The following NFATC3 variants were observed in gnomAD, a reference collection of about 807,000 sequenced individuals.
NFATC3 encodes nuclear factor of activated T cells 3, also known as nuclear factor of activated T-cells, cytoplasmic 3.
A neutral mutation model predicts 98.6 loss-of-function variants in NFATC3; 46 were observed. The observed-to-expected ratio is 0.47, with a 90% confidence interval of 0.37 to 0.60. The LOEUF is 0.60. Ranked by LOEUF, NFATC3 falls within the 20% of genes least tolerant of loss-of-function variation. The pLI is 0.00. For missense variants in NFATC3, 1,256 were observed against 1,295.5 expected (o/e 0.97, Z 0.47); for synonymous variants, 512 against 472.2 (o/e 1.08, Z -1.09).
chr16:68,161,931 C>A (rs2038912661), intron 4 of NFATC3, among the ~76,000 whole-genome samples: 1 of 152,122 alleles, frequency 6.6e-6, no homozygotes, highest in South Asian at 2.1e-4. Context: ...TTACCTGTCT[C>A]CTCCATCATC....
chr16:68,191,569 C>T lies in NFATC3; in HGVS notation c.2900C>T (p.Thr967Ile), dbSNP rs368393090. 1.9e-6 allele frequency: 3 copies of T among 1,614,046 alleles called. No individual in the cohort carries two copies. Among genetic ancestry groups the T allele is most frequent in the Middle Eastern group, 3.3e-4 (2 of 6,084 alleles). The change falls in exon 9 of 10, where the codon ACC (threonine) becomes ATC (isoleucine). Residue 967 changes from threonine to isoleucine, a missense_variant. This residue lies in a region of NFATC3 where 636 missense variants were observed against 617.3 expected (regional missense o/e 1.03). Transcript: ENST00000346183. ...SGTASSPSPA[T>I]RMHSGQHSTQ... Reference sequence around the variant, plus strand: ...ACTGCCTCATCACCGTCTCCAGCCACCAGAATGCATTCTGGACAGCACTCA... The same window carrying T: ...ACTGCCTCATCACCGTCTCCAGCCATCAGAATGCATTCTGGACAGCACTCA...
At chr16:68,144,810 A>G (rs1366406644) in intron 3 of NFATC3, among the ~76,000 whole-genome samples, 2 of 152,014 alleles carry the variant, frequency 1.3e-5, no homozygotes, top group Admixed American at 6.6e-5. Flanking sequence ...GGTGCCTGCC[A>G]CCACGCCCAG....
intron 1 of NFATC3, among the ~76,000 whole-genome samples, chr16:68,116,158 A>C (rs2036267411): frequency 6.6e-6 from 1 of 152,164 alleles, no homozygotes; most frequent in Non-Finnish European, 1.5e-5. Context: ...TGGATACCAG[A>C]ATTTGAATCA....
At chr16:68,107,727 AAATAT>A (rs1462872843) in intron 1 of NFATC3, among the ~76,000 whole-genome samples, 2 of 151,150 alleles carry the variant, frequency 1.3e-5, no homozygotes, top group African/African-American at 4.9e-5. Flanking sequence ...TGTATCAAAA[AAATAT>A]AATAATAATA....
At chr16:68,089,366 T>C in intron 1 of NFATC3, 2 of 838,312 alleles carry the variant, frequency 2.4e-6, no homozygotes, top group Non-Finnish European at 2.9e-6. Flanking sequence ...TTAAGACTAC[T>C]GTTTGCGAGA....
chr16:68,222,179 G>A (rs2041887469), intron 9 of NFATC3, among the ~76,000 whole-genome samples: 1 of 150,562 alleles, frequency 6.6e-6, no homozygotes, highest in Non-Finnish European at 1.5e-5. Flanking sequence ...AGTAGCACAT[G>A]CCTGTAGGCC....
At chr16:68,143,227 A>G (rs1048886358) in intron 3 of NFATC3, among the ~76,000 whole-genome samples, 103 of 151,764 alleles carry the variant, frequency 6.8e-4, no homozygotes, top group Non-Finnish European at 1.2e-3. Flanking sequence ...AAAAAAAAAA[A>G]AAAGGAAAGA....
At chr16:68,108,364 T>C (rs2035775167) in intron 1 of NFATC3, among the ~76,000 whole-genome samples, 1 of 152,176 alleles carries the variant, frequency 6.6e-6, no homozygotes, top group Non-Finnish European at 1.5e-5. Context: ...TTTTGTCAGG[T>C]TTGTCAAAGA....
At chr16:68,108,771 T>C (rs2035797508) in intron 1 of NFATC3, among the ~76,000 whole-genome samples, 1 of 152,180 alleles carries the variant, frequency 6.6e-6, no homozygotes, top group Non-Finnish European at 1.5e-5. Flanking sequence ...TTTGTAGTTC[T>C]CCTTGAAGAG....
intron 3 of NFATC3, among the ~76,000 whole-genome samples, chr16:68,156,645 A>C (rs1028267142): frequency 6.6e-6 from 1 of 152,162 alleles, no homozygotes. Context: ...TCATGATTTA[A>C]AAAAAGCAAA....
chr16:68,210,063 C>T (rs147356036), intron 9 of NFATC3, among the ~76,000 whole-genome samples: 8 of 151,864 alleles, frequency 5.3e-5, no homozygotes, highest in Middle Eastern at 6.8e-3. Context: ...TTTGGGAGGC[C>T]GAGGTGGGCG....
At position 68,122,476 on chromosome 16, in the gene NFATC3, A is replaced by T; in HGVS notation, c.593A>T (p.Glu198Val). 14 of 1,614,090 alleles carry T rather than the reference A, an allele frequency of 8.7e-6. No homozygotes were observed. The highest frequency in any genetic ancestry group is 1.2e-5 in the Non-Finnish European group (14 of 1,180,008). Residue 198 changes from glutamate (E) to valine (V), a missense_variant, in exon 2 of 10, where the codon GAA becomes GTA. Physicochemically the swap from Glu to Val is moderately radical, Grantham distance 121. This residue lies in a region of NFATC3 where 464 missense variants were observed against 465.7 expected (regional missense o/e 1.00). Coordinates refer to ENST00000346183, the MANE Select transcript of NFATC3 (RefSeq NM_173165.3). ...IYDDVDSELNEAAARFTLGSP... is the reference protein window; with the variant it reads ...IYDDVDSELNVAAARFTLGSP... ...GATGATGTGGACTCAGAGTTGAATG[A>T]AGCTGCAGCCCGATTTACCCTTGGA...
In NFATC3 at chr16:68,191,473, C is replaced by G; in HGVS notation, c.2804C>G (p.Ala935Gly). ...TASPAASHPL[A>G]SSPLSGPPSP... Reference sequence around the variant, plus strand: ...TCCCCAGCAGCTTCTCATCCCTTGGCTAGTTCACCGCTTTCTGGGCCACCA... The same window carrying G: ...TCCCCAGCAGCTTCTCATCCCTTGGGTAGTTCACCGCTTTCTGGGCCACCA... The change falls in exon 9 of 10, where the codon GCT becomes GGT. Residue 935 changes from alanine (A) to glycine (G), a missense_variant. By Grantham distance (60) the Ala-to-Gly change is moderately conservative. Around this residue, in one of 3 missense-constraint regions of NFATC3, gnomAD observed 636 missense variants for 617.3 expected, o/e 1.03. Transcript: ENST00000346183. 6.2e-7 allele frequency: 1 copy of G among 1,614,144 alleles called. No individual in the cohort carries two copies. The highest frequency in any genetic ancestry group is 1.7e-5 in the Admixed American group (1 of 60,020).
chr16:68,091,372 ATT>A (rs1268393278), intron 1 of NFATC3, among the ~76,000 whole-genome samples: 2 of 152,144 alleles, frequency 1.3e-5, no homozygotes, highest in African/African-American at 4.8e-5. Flanking sequence ...CTAAAGTTGT[ATT>A]TGTTTTTATT....
At chr16:68,190,319 T>G (rs1370411716) in intron 8 of NFATC3, among the ~76,000 whole-genome samples, 2 of 152,214 alleles carry the variant, frequency 1.3e-5, no homozygotes, top group Non-Finnish European at 2.9e-5. Flanking sequence ...ACCAGATGAC[T>G]TGGTAGGCTT....
intron 3 of NFATC3, among the ~76,000 whole-genome samples, chr16:68,136,017 C>T (rs574265549): frequency 2.0e-5 from 3 of 151,798 alleles, no homozygotes; most frequent in South Asian, 2.1e-4. Context: ...GAGCCGAGAT[C>T]GCGTCATTGC....
intron 8 of NFATC3, among the ~76,000 whole-genome samples, chr16:68,184,924 A>C (rs148370817): frequency 1.3e-5 from 2 of 152,126 alleles, no homozygotes; most frequent in African/African-American, 4.8e-5. Context: ...GGCACCATTG[A>C]TGTTGATCAT....
intron 9 of NFATC3, among the ~76,000 whole-genome samples, chr16:68,192,918 G>A (rs1238227246): frequency 6.6e-6 from 1 of 152,138 alleles, no homozygotes; most frequent in South Asian, 2.1e-4. Flanking sequence ...GAAGGATTCA[G>A]CAAGTCTTCT....
At position 68,191,758 on chromosome 16, in the gene NFATC3, A is replaced by T; in HGVS notation, c.3089A>T (p.Asp1030Val). ...AACTTTGCAACCATTGGTCTGCAGGACATCACTTTAGATGATGGTAAGTTC... is the reference window on the plus strand; with the variant it reads ...AACTTTGCAACCATTGGTCTGCAGGTCATCACTTTAGATGATGGTAAGTTC... ...EPNFATIGLQ[D>V]ITLDDVNEII... is the part of the protein sequence containing the mutation. The change falls in exon 9 of 10, where the codon GAC becomes GTC. Residue 1030 changes from aspartate (D) to valine (V), a missense_variant. Around this residue, in one of 3 missense-constraint regions of NFATC3, gnomAD observed 636 missense variants for 617.3 expected, o/e 1.03. Coordinates refer to ENST00000346183, the MANE Select transcript of NFATC3 (RefSeq NM_173165.3). 6.2e-7 allele frequency: 1 copy of T among 1,614,182 alleles called. No individual in the cohort carries two copies. Among genetic ancestry groups the T allele is most frequent in the Non-Finnish European group, 8.5e-7 (1 of 1,180,034 alleles).
Sources: allele counts gnomAD v4.1 joint callset (sites outside exome capture counted in the v4.1 genomes callset), GRCh38; gene constraint gnomAD v4.1.1; regional missense constraint gnomAD v4.1.1; transcripts MANE v1.5; gene names NCBI Gene and HGNC (gene_info 2026-07-23, HGNC 2026-07-21).